Variants in MACROD2 observed in about 807,000 individuals in gnomAD.
MACROD2 encodes ADP-ribose glycohydrolase MACROD2.
In MACROD2, 36 loss-of-function variants were observed where a neutral mutation model predicts 70.4. That is an observed-to-expected ratio of 0.51 (90% CI 0.39 to 0.68). The LOEUF (loss-of-function observed/expected upper bound fraction) is 0.68. MACROD2 is among the 30% of genes least tolerant of loss of function. The pLI is 0.00. For missense variants in MACROD2, 496 were observed against 538.4 expected (o/e 0.92, Z 0.78); for synonymous variants, 172 against 178.8 (o/e 0.96, Z 0.30).
At chr20:16,006,016 G>T (rs2066782964) in intron 15 of MACROD2, among the ~76,000 whole-genome samples, 1 of 152,196 alleles carries the variant, frequency 6.6e-6, no homozygotes, top group South Asian at 2.1e-4. Context: ...CCTTAAGGGA[G>T]ATCAGTTAAA....
chr20:14,014,995 G>A (rs1392234452), intron 2 of MACROD2, among the ~76,000 whole-genome samples: 1 of 148,946 alleles, frequency 6.7e-6, no homozygotes, highest in African/African-American at 2.5e-5. Flanking sequence ...TTGTAGAGGT[G>A]GGGTTTTACC....
intron 15 of MACROD2, among the ~76,000 whole-genome samples, chr20:15,991,137 G>A (rs2066552811): frequency 6.6e-6 from 1 of 152,202 alleles, no homozygotes; most frequent in Non-Finnish European, 1.5e-5. Flanking sequence ...TAAAGGGGGA[G>A]GGGAATGCCT....
intron 16 of MACROD2, among the ~76,000 whole-genome samples, chr20:16,042,070 G>C (rs1323595717): frequency 6.6e-6 from 1 of 152,036 alleles, no homozygotes; most frequent in East Asian, 1.9e-4. Context: ...ACTTTGAGTT[G>C]ATAATGACCT....
chr20:15,131,406 G>A (rs1314590603), intron 5 of MACROD2, among the ~76,000 whole-genome samples: 2 of 152,026 alleles, frequency 1.3e-5, no homozygotes, highest in Non-Finnish European at 2.9e-5. Flanking sequence ...AAATTTTTCA[G>A]GATTTGGTGA....
chr20:14,534,081 T>C (rs2085336894), intron 4 of MACROD2, among the ~76,000 whole-genome samples: 1 of 152,216 alleles, frequency 6.6e-6, no homozygotes, highest in Admixed American at 6.5e-5. Flanking sequence ...GAGAAGGACA[T>C]TTAGGCTCTA....
At chr20:14,525,010 G>T (rs1034153483) in intron 4 of MACROD2, among the ~76,000 whole-genome samples, 1 of 152,136 alleles carries the variant, frequency 6.6e-6, no homozygotes, top group African/African-American at 2.4e-5. Flanking sequence ...TTATCTTTAT[G>T]TTGAAAACGC....
intron 4 of MACROD2, among the ~76,000 whole-genome samples, chr20:14,655,483 C>T (rs1396984360): frequency 2.6e-5 from 4 of 151,934 alleles, no homozygotes; most frequent in African/African-American, 7.3e-5. Context: ...ATGATAAAAT[C>T]GTGTTTGGTC....
chr20:14,769,282 T>C (rs1226829752), intron 5 of MACROD2, among the ~76,000 whole-genome samples: 2 of 152,136 alleles, frequency 1.3e-5, no homozygotes, highest in African/African-American at 4.8e-5. Flanking sequence ...GTATTTCTTC[T>C]GGAATATTTT....
At chr20:14,781,828 C>T (rs964646667) in intron 5 of MACROD2, among the ~76,000 whole-genome samples, 8 of 151,724 alleles carry the variant, frequency 5.3e-5, no homozygotes, top group East Asian at 3.9e-4. Context: ...GTATAACAGC[C>T]GTGAAAGAGC....
At chr20:14,748,871 C>G (rs190031355) in intron 5 of MACROD2, among the ~76,000 whole-genome samples, 6 of 152,164 alleles carry the variant, frequency 3.9e-5, no homozygotes. Flanking sequence ...CCACGGTAGT[C>G]TAGAGCAACT....
Position 13,995,849 on chromosome 20 carries a change from G to GGGGGGGGGGGT in MACROD2, c.46+41_46+42insGGGGGGGGGTG. ...GAGTCCTGGGGGTGCGGGCGGTGGG[G>GGGGGGGGGGGT]GTTAGGGTGGGGGCGGGGGTCAGGC... On this transcript the variant is annotated intron_variant, in intron 1 of 17. Coordinates refer to ENST00000684519, the MANE Select transcript of MACROD2 (RefSeq NM_001351661.2). This position sits in a 1 kb window ranked among gnomAD's most constrained non-coding sequence, Gnocchi z 4.3. 7.6e-7 allele frequency: 1 copy of GGGGGGGGGGGT among 1,312,108 alleles called. No individual in the cohort carries two copies. The highest frequency in any genetic ancestry group is 1.1e-6 in the Non-Finnish European group (1 of 938,804). 81.3% of individuals were successfully genotyped at this position (1,312,108 alleles called of 1,614,324 possible). A position where few individuals can be genotyped will look rare whatever the true frequency, so the allele number is the denominator to read the frequency against.
At chr20:14,617,907 G>T (rs150044902) in intron 4 of MACROD2, among the ~76,000 whole-genome samples, 1 of 152,182 alleles carries the variant, frequency 6.6e-6, no homozygotes, top group Non-Finnish European at 1.5e-5. Flanking sequence ...TTGTGCAGGT[G>T]ATAATTTGTA....
intron 3 of MACROD2, among the ~76,000 whole-genome samples, chr20:14,163,233 C>T (rs987936730): frequency 6.6e-6 from 1 of 152,080 alleles, no homozygotes; most frequent in Non-Finnish European, 1.5e-5. Flanking sequence ...GTATACATGG[C>T]TGTCAGTTTT....
intron 10 of MACROD2, among the ~76,000 whole-genome samples, chr20:15,903,724 G>A (rs1433698839): frequency 2.0e-5 from 3 of 152,220 alleles, no homozygotes; most frequent in Non-Finnish European, 4.4e-5. Context: ...TGGGAAGAGA[G>A]CATTTTAAGC....
chr20:15,147,713 A>G (rs905795804), intron 5 of MACROD2, among the ~76,000 whole-genome samples: 2 of 152,140 alleles, frequency 1.3e-5, no homozygotes, highest in South Asian at 4.1e-4. Flanking sequence ...GTCCGTGTGA[A>G]CAGACCACCA....
At chr20:15,641,164 C>T (rs776731725) in intron 8 of MACROD2, among the ~76,000 whole-genome samples, 2 of 152,210 alleles carry the variant, frequency 1.3e-5, no homozygotes, top group East Asian at 1.9e-4. Flanking sequence ...TGCATTGCTT[C>T]AGTTGCGAAT....
intron 3 of MACROD2, among the ~76,000 whole-genome samples, chr20:14,358,435 G>C (rs1314706703): frequency 2.6e-5 from 4 of 152,004 alleles, no homozygotes; most frequent in Admixed American, 2.6e-4. Context: ...GAGGTAGTTA[G>C]TACCATTGTC....
intron 5 of MACROD2, among the ~76,000 whole-genome samples, chr20:14,885,158 A>T (rs2073658189): frequency 2.0e-5 from 3 of 152,130 alleles, no homozygotes; most frequent in Admixed American, 2.0e-4. Flanking sequence ...CCATGTTTAT[A>T]CTACATGCTC....
At chr20:14,605,667 A>C (rs1568694967) in intron 4 of MACROD2, among the ~76,000 whole-genome samples, 1 of 152,160 alleles carries the variant, frequency 6.6e-6, no homozygotes. Flanking sequence ...AGCATTTGTT[A>C]GGAATACACT....
Sources: gnomAD v4.1 joint callset for allele counts (sites outside exome capture counted in the v4.1 genomes callset) on GRCh38, gnomAD v4.1.1 for gene constraint, Gnocchi (gnomAD v3.1) non-coding constraint, MANE v1.5 for transcripts, NCBI Gene and HGNC (gene_info 2026-07-23, HGNC 2026-07-21) for gene names.